Variants in STK32B observed in about 807,000 individuals in gnomAD.
STK32B encodes the protein serine/threonine-protein kinase 32B.
Under a neutral mutation model 52.6 loss-of-function variants are expected in STK32B, and 43 were observed. That is an observed-to-expected ratio of 0.82 (90% CI 0.64 to 1.05). The LOEUF (loss-of-function observed/expected upper bound fraction) is 1.05. STK32B is among the 50% of genes least tolerant of loss of function. The pLI is 0.00. For missense variants in STK32B, 621 were observed against 534.6 expected (o/e 1.16, Z -1.59); for synonymous variants, 238 against 204.3 (o/e 1.17, Z -1.41).
At chr4:5,168,505 C>A in intron 3 of STK32B, 55 bp downstream of exon 3, 1 of 1,547,366 alleles carries the variant, frequency 6.5e-7, no homozygotes, top group Non-Finnish European at 8.7e-7. Flanking sequence ...GAGCCAAATG[C>A]AAATTCGCCT....
chr4:5,410,183 G>A lies in STK32B; in HGVS notation c.473-6662G>A, dbSNP rs1288483974. Among the ~76,000 whole-genome samples the A allele has an allele frequency of 2.0e-5, 3 of 152,320 alleles. No individual in the cohort carries two copies. In the East Asian group the frequency reaches 5.8e-4, roughly 29 times the overall value. ...CAATTATTATTAGCAGAGAGCCAGGGTTGCTGGAAACGGCTGGAGCCTACC... is the reference window on the plus strand; with the variant it reads ...CAATTATTATTAGCAGAGAGCCAGGATTGCTGGAAACGGCTGGAGCCTACC... On this transcript the variant is annotated intron_variant, in intron 5 of 11. Transcript: ENST00000282908.
intron 1 of STK32B, among the ~76,000 whole-genome samples, chr4:5,081,251 C>A (rs576346706): frequency 6.6e-6 from 1 of 152,030 alleles, no homozygotes; most frequent in African/African-American, 2.4e-5. Flanking sequence ...GTTGGAGTTC[C>A]CTATGTGTAG....
At chr4:5,244,501 A>G (rs1032620669) in intron 3 of STK32B, among the ~76,000 whole-genome samples, 11 of 150,554 alleles carry the variant, frequency 7.3e-5, no homozygotes, top group African/African-American at 2.0e-4. Flanking sequence ...TGGTCTATCA[A>G]TTTTGTTGAT....
chr4:5,144,784 T>TCATTCATTCATTCATC (rs1553835869), intron 2 of STK32B, among the ~76,000 whole-genome samples: 24 of 95,698 alleles, frequency 2.5e-4, no homozygotes, highest in African/African-American at 8.3e-4. Flanking sequence ...ACTCATTCAC[T>TCATTCATTCATTCATC]CATCCATCCA....
intron 11 of STK32B, among the ~76,000 whole-genome samples, chr4:5,484,773 G>A (rs1313674793): frequency 6.6e-6 from 1 of 152,106 alleles, no homozygotes; most frequent in Non-Finnish European, 1.5e-5. Flanking sequence ...AGCTCTTTTA[G>A]GGCAGGCCTG....
intron 3 of STK32B, among the ~76,000 whole-genome samples, chr4:5,240,919 C>A (rs1426327598): frequency 2.0e-5 from 3 of 152,164 alleles, no homozygotes; most frequent in African/African-American, 7.2e-5. Context: ...GTCTATCCTT[C>A]TATCAATAAC....
At chr4:5,114,150 T>C (rs1577077030) in intron 1 of STK32B, among the ~76,000 whole-genome samples, 1 of 151,558 alleles carries the variant, frequency 6.6e-6, no homozygotes, top group Non-Finnish European at 1.5e-5. Context: ...ACCCCCATTC[T>C]CTCCAGGCCA....
chr4:5,456,489 G>A (rs938121591), intron 7 of STK32B, among the ~76,000 whole-genome samples: 2 of 152,210 alleles, frequency 1.3e-5, no homozygotes, highest in Non-Finnish European at 2.9e-5. Context: ...GCCTGTGACT[G>A]GAGCAGGGAC....
At chr4:5,493,732 C>A (rs368424235) in intron 11 of STK32B, among the ~76,000 whole-genome samples, 1 of 152,098 alleles carries the variant, frequency 6.6e-6, no homozygotes, top group African/African-American at 2.4e-5. Flanking sequence ...ATAAATTTCC[C>A]TCTACACACT....
At chr4:5,196,948 C>A (rs1721728411) in intron 3 of STK32B, among the ~76,000 whole-genome samples, 2 of 151,928 alleles carry the variant, frequency 1.3e-5, no homozygotes, top group Non-Finnish European at 2.9e-5. Flanking sequence ...GATATGATGC[C>A]CCGTCCTCTC....
intron 2 of STK32B, among the ~76,000 whole-genome samples, chr4:5,160,881 T>C (rs1718388259): frequency 6.6e-6 from 1 of 152,110 alleles, no homozygotes; most frequent in Non-Finnish European, 1.5e-5. Flanking sequence ...CAGAGTTGGC[T>C]TAGTTGGTAA....
intron 11 of STK32B, among the ~76,000 whole-genome samples, chr4:5,477,133 T>C (rs1718300367): frequency 6.6e-6 from 1 of 152,178 alleles, no homozygotes. Flanking sequence ...GGCTCCCCGA[T>C]GGGTAGTGCT....
chr4:5,172,043 C>T (rs1314679733), intron 3 of STK32B, among the ~76,000 whole-genome samples: 10 of 151,950 alleles, frequency 6.6e-5, no homozygotes, highest in Non-Finnish European at 1.2e-4. Context: ...AAGCTGGATT[C>T]CTAGGTATTT....
chr4:5,092,018 A>G (rs1326508720), intron 1 of STK32B, among the ~76,000 whole-genome samples: 3 of 152,252 alleles, frequency 2.0e-5, no homozygotes, highest in East Asian at 3.8e-4. Context: ...AGAAATGGAA[A>G]GTAGATTAAT....
chr4:5,304,545 T>G (rs1222060693), intron 3 of STK32B, among the ~76,000 whole-genome samples: 1 of 152,080 alleles, frequency 6.6e-6, no homozygotes, highest in Non-Finnish European at 1.5e-5. Context: ...ATTCAGAAAC[T>G]TTACTGGATT....
At chr4:5,415,337 A>G (rs528247799) in intron 5 of STK32B, among the ~76,000 whole-genome samples, 36 of 152,336 alleles carry the variant, frequency 2.4e-4, no homozygotes, top group African/African-American at 8.7e-4. Flanking sequence ...ACTGAAGCCC[A>G]GGGAGATTAA....
At chr4:5,325,328 TG>T (rs1158411103) in intron 3 of STK32B, among the ~76,000 whole-genome samples, 1 of 128,620 alleles carries the variant, frequency 7.8e-6, no homozygotes, top group East Asian at 2.1e-4. Flanking sequence ...CCTAAACAAT[TG>T]TTTTTTTTTT....
intron 3 of STK32B, among the ~76,000 whole-genome samples, chr4:5,326,992 A>G (rs1341832445): frequency 6.6e-6 from 1 of 152,120 alleles, no homozygotes; most frequent in East Asian, 1.9e-4. Context: ...CTCTTGTGTC[A>G]TTTTAACAAT....
At chr4:5,320,713 T>C (rs940693138) in intron 3 of STK32B, among the ~76,000 whole-genome samples, 3 of 152,182 alleles carry the variant, frequency 2.0e-5, no homozygotes, top group Non-Finnish European at 4.4e-5. Context: ...AGCCCAAAAC[T>C]AAAACATCAT....
Sources: gnomAD v4.1 joint callset for allele counts (sites outside exome capture counted in the v4.1 genomes callset) on GRCh38, gnomAD v4.1.1 for gene constraint, MANE v1.5 for transcripts, NCBI Gene and HGNC (gene_info 2026-07-23, HGNC 2026-07-21) for gene names.